Variants in GFOD1 observed in about 807,000 individuals in gnomAD.
The protein encoded by GFOD1 is glucose-fructose oxidoreductase domain-containing protein 1.
A neutral mutation model predicts 25.4 loss-of-function variants in GFOD1; 9 were observed. The observed-to-expected ratio is 0.35, with a 90% confidence interval of 0.21 to 0.62. GFOD1 has a LOEUF of 0.62. Ranked by LOEUF, GFOD1 falls within the 20% of genes least tolerant of loss-of-function variation. The probability of loss-of-function intolerance (pLI) is 0.72; values close to 1 mark genes in which losing one functional copy is unlikely to be tolerated. For synonymous variants in GFOD1, 253 were observed against 245.6 expected (o/e 1.03, Z -0.28); for missense variants, 403 against 556.9 (o/e 0.72, Z 2.78).
Position 13,365,453 on chromosome 6 carries a change from G to A in GFOD1, c.463C>T (p.Leu155=). ...CTCCAGTTGTACTTCTTGCCCAGCA[G>A]GCTGCCGCCGTGCACCTGCACCTCA... ...VCEVQVHGGS[L]LGKKYNWSCD... is the part of the protein sequence containing the mutation. The change falls in exon 2 of 2, where the codon CTG becomes TTG. Residue 155 remains leucine, a synonymous_variant. Transcript: ENST00000379287. The surrounding 1 kb of genome is among the most constrained non-coding windows in gnomAD (Gnocchi z 9.2). The A allele has an allele frequency of 1.2e-6, 2 of 1,613,802 alleles. No individual in the cohort carries two copies. Among genetic ancestry groups the A allele is most frequent in the South Asian group, 2.2e-5 (2 of 91,080 alleles).
chr6:13,409,147 A>G (rs1282292689), intron 1 of GFOD1, among the ~76,000 whole-genome samples: 11 of 29,202 alleles, frequency 3.8e-4, no homozygotes, highest in Non-Finnish European at 1.2e-3. Context: ...GAAAGAAAGA[A>G]AGAGAGGAAA....
At chr6:13,465,803 G>A (rs1758370395) in intron 1 of GFOD1, among the ~76,000 whole-genome samples, 2 of 152,162 alleles carry the variant, frequency 1.3e-5, no homozygotes, top group Admixed American at 1.3e-4. Context: ...AAGGTTTCCT[G>A]TCTCCCTAAA....
chr6:13,365,159 CCA>C lies in GFOD1; in HGVS notation c.755_756del (p.Val252GlyfsTer180). 6.2e-7 allele frequency: 1 copy of C among 1,613,738 alleles called. No individual in the cohort carries two copies. Among genetic ancestry groups the C allele is most frequent in the Non-Finnish European group, 8.5e-7 (1 of 1,179,974 alleles). On this transcript the variant is annotated frameshift_variant, in exon 2 of 2. Transcript: ENST00000379287. LOFTEE classifies it high-confidence loss of function. The surrounding 1 kb of genome is among the most constrained non-coding windows in gnomAD (Gnocchi z 9.2). The part of the protein sequence containing the change: ...PGEFKQDVTV[V>X]GSAGRLLAVG... ...ACGGCCAGCAGGCGCCCGGCTGAGCCCACCACAGTGACATCCTGCTTGAACTC... is the reference window on the plus strand; with the variant it reads ...ACGGCCAGCAGGCGCCCGGCTGAGCCCCACAGTGACATCCTGCTTGAACTC...
chr6:13,447,740 CAAAAAAAAAAAAAAAAAAA>C (rs34431944), intron 1 of GFOD1, among the ~76,000 whole-genome samples: 11 of 31,920 alleles, frequency 3.4e-4, no homozygotes, highest in Middle Eastern at 0.059. Context: ...GACTCCTTCT[CAAAAAAAAAAAAAAAAAAA>C]AAAAAAAAAA....
intron 1 of GFOD1, among the ~76,000 whole-genome samples, chr6:13,381,913 GCGCACACACA>G (rs1211917193): frequency 2.3e-4 from 24 of 104,582 alleles, no homozygotes; most frequent in African/African-American, 7.4e-4. Context: ...ACACGCGCGC[GCGCACACACA>G]CACACACACA....
At chr6:13,391,248 T>C (rs1211199234) in intron 1 of GFOD1, among the ~76,000 whole-genome samples, 1 of 152,100 alleles carries the variant, frequency 6.6e-6, no homozygotes, top group Non-Finnish European at 1.5e-5. Context: ...CTGACGGTGC[T>C]AGCTAGCTAC....
intron 1 of GFOD1, chr6:13,470,588 G>A: frequency 6.6e-7 from 1 of 1,504,614 alleles, no homozygotes; most frequent in African/African-American, 1.4e-5. Flanking sequence ...TTTTTCCCCA[G>A]TATTTTTCTG....
In GFOD1 at chr6:13,365,670, TGGGA is replaced by T. The variant is rs1785030354; in HGVS notation, c.254-12_254-9del. ...TGACGTTCTTGCCGATGCCTGCGGG[TGGGA>T]GGAAGACAGCGGTCAGCGGGGCAGG... On this transcript the variant is annotated splice_polypyrimidine_tract_variant and intron_variant, in intron 1 of 1. Coordinates refer to ENST00000379287, the MANE Select transcript of GFOD1 (RefSeq NM_018988.4). This position sits in a 1 kb window ranked among gnomAD's most constrained non-coding sequence, Gnocchi z 9.2. The T allele has an allele frequency of 6.3e-7, 1 of 1,586,388 alleles. No homozygotes were observed. Among genetic ancestry groups the T allele is most frequent in the East Asian group, 2.2e-5 (1 of 44,602 alleles).
rs143174705 is a variant in GFOD1, at chr6:13,456,257, G to A, written c.253+30381C>T. Among the ~76,000 whole-genome samples the A allele has an allele frequency of 4.2e-3, 642 of 152,208 alleles. 4 individuals carry two copies. The highest frequency in any genetic ancestry group is 0.015 in the African/African-American group (626 of 41,540). On this transcript the variant is annotated intron_variant, in intron 1 of 1. Coordinates refer to ENST00000379287, the MANE Select transcript of GFOD1 (RefSeq NM_018988.4). ...TGGCATGATCTTGGCTTACTGCAGT[G>A]TCCACCTCCTGGGCTCAAGTGATCT...
chr6:13,427,822 G>A (rs909470554), intron 1 of GFOD1, among the ~76,000 whole-genome samples: 3 of 152,142 alleles, frequency 2.0e-5, no homozygotes, highest in African/African-American at 7.2e-5. Flanking sequence ...AATTCCTGGT[G>A]CCCCTGACAG....
At chr6:13,461,966 T>C (rs2841560) in intron 1 of GFOD1, among the ~76,000 whole-genome samples, 95,772 of 152,068 alleles carry the variant, frequency 0.63, 34,635 homozygotes, top group South Asian at 0.83. Flanking sequence ...AGGCCTCAAG[T>C]TGAGAGGCAG....
intron 1 of GFOD1, among the ~76,000 whole-genome samples, chr6:13,394,934 T>C (rs749551173): frequency 6.6e-6 from 1 of 152,038 alleles, no homozygotes; most frequent in Non-Finnish European, 1.5e-5. Context: ...TGCCCGGCCT[T>C]TCATACCTGG....
chr6:13,398,380 C>A (rs1022087473), intron 1 of GFOD1, among the ~76,000 whole-genome samples: 2 of 152,162 alleles, frequency 1.3e-5, no homozygotes, highest in African/African-American at 2.4e-5. Context: ...TCGAGTTTAT[C>A]CTTTTGAAAT....
At chr6:13,424,592 A>C (rs535244464) in intron 1 of GFOD1, among the ~76,000 whole-genome samples, 6 of 152,352 alleles carry the variant, frequency 3.9e-5, no homozygotes, top group African/African-American at 1.2e-4. Flanking sequence ...CACGCTCTTA[A>C]GGAGAAAATT....
At chr6:13,469,595 A>G (rs928036547) in intron 1 of GFOD1, 2 of 1,068,088 alleles carry the variant, frequency 1.9e-6, no homozygotes, top group East Asian at 7.5e-5. Context: ...TTCTGATTCC[A>G]CTTGTTCTTA....
chr6:13,478,764 G>A (rs1758684217), intron 1 of GFOD1, among the ~76,000 whole-genome samples: 1 of 152,222 alleles, frequency 6.6e-6, no homozygotes, highest in Non-Finnish European at 1.5e-5. Context: ...GTGAAGCAGA[G>A]GATGCTGGTG....
chr6:13,424,237 C>A (rs1402584453), intron 1 of GFOD1, among the ~76,000 whole-genome samples: 1 of 152,108 alleles, frequency 6.6e-6, no homozygotes, highest in East Asian at 1.9e-4. Flanking sequence ...GGTCTAGTGG[C>A]CAAAAATTTT....
At chr6:13,401,278 C>G (rs186126655) in intron 1 of GFOD1, among the ~76,000 whole-genome samples, 1 of 152,164 alleles carries the variant, frequency 6.6e-6, no homozygotes, top group Non-Finnish European at 1.5e-5. Flanking sequence ...CTGTTTGGAT[C>G]CCTATTCCAA....
intron 1 of GFOD1, among the ~76,000 whole-genome samples, chr6:13,371,347 C>T (rs183840775): frequency 1.7e-4 from 26 of 152,318 alleles, no homozygotes; most frequent in African/African-American, 5.8e-4. Context: ...CCTAGGTGAA[C>T]AACTTCCCTG....
Sources: gnomAD v4.1 joint callset for allele counts (sites outside exome capture counted in the v4.1 genomes callset) on GRCh38, gnomAD v4.1.1 for gene constraint, Gnocchi (gnomAD v3.1) non-coding constraint, MANE v1.5 for transcripts, NCBI Gene and HGNC (gene_info 2026-07-23, HGNC 2026-07-21) for gene names.